The following SEMA3E variants were observed in gnomAD, a reference collection of about 807,000 sequenced individuals.
The protein encoded by SEMA3E is semaphorin-3E.
Under a neutral mutation model 93.6 loss-of-function variants are expected in SEMA3E, and 49 were observed. That is an observed-to-expected ratio of 0.52 (90% confidence interval 0.42 to 0.66). The LOEUF is 0.66. Ranked by LOEUF, SEMA3E falls within the 30% of genes least tolerant of loss-of-function variation. The probability of loss-of-function intolerance (pLI) is 0.00; values close to 1 mark genes in which losing one functional copy is unlikely to be tolerated. For missense variants in SEMA3E, 906 were observed against 964.8 expected, an observed-to-expected ratio of 0.94 and a Z score of 0.81; for synonymous variants, 363 against 330.7, an observed-to-expected ratio of 1.10 and a Z score of -1.06.
intron 4 of SEMA3E, among the ~76,000 whole-genome samples, chr7:83,464,383 A>T (rs1789704720): frequency 6.7e-6 from 1 of 148,796 alleles, no homozygotes; most frequent in African/African-American, 2.5e-5. Flanking sequence ...TGCCCCCAAA[A>T]ACTTGTCATC....
intron 1 of SEMA3E, among the ~76,000 whole-genome samples, chr7:83,579,651 GTTAA>G (rs1792480348): frequency 6.6e-6 from 1 of 152,078 alleles, no homozygotes; most frequent in Admixed American, 6.6e-5. Flanking sequence ...CCAGGTCCCA[GTTAA>G]TTGACATAAT....
intron 1 of SEMA3E, among the ~76,000 whole-genome samples, chr7:83,603,726 A>G (rs1793045298): frequency 6.6e-6 from 1 of 152,174 alleles, no homozygotes; most frequent in African/African-American, 2.4e-5. Flanking sequence ...AGAAGCAAAT[A>G]CATTCTAACC....
chr7:83,552,111 T>G (rs1791779561), intron 1 of SEMA3E, among the ~76,000 whole-genome samples: 1 of 152,142 alleles, frequency 6.6e-6, no homozygotes, highest in African/African-American at 2.4e-5. Context: ...TTTCATAAAC[T>G]TGCACAGATT....
chr7:83,392,710 A>G lies in SEMA3E; in HGVS notation c.1512T>C (p.Tyr504=). The change falls in exon 14 of 17, where the codon TAT becomes TAC. Residue 504 remains tyrosine (Y), a synonymous_variant. Coordinates refer to ENST00000643230, the MANE Select transcript of SEMA3E (RefSeq NM_012431.3). ...GAGCCACAGCAGAAGCAGATCCAATATACAGCTGTTGCTACAGAAATCAGA... is the reference window on the plus strand; with the variant it reads ...GAGCCACAGCAGAAGCAGATCCAATGTACAGCTGTTGCTACAGAAATCAGA... ...MEISSKRQQL[Y]IGSASAVAQV... 5 of 1,613,872 alleles carry G rather than the reference A, an allele frequency of 3.1e-6. No individual in the cohort carries two copies. Among genetic ancestry groups the G allele is most frequent in the Non-Finnish European group, 4.2e-6 (5 of 1,179,830 alleles).
chr7:83,461,557 A>G (rs1584263914), intron 4 of SEMA3E, among the ~76,000 whole-genome samples: 1 of 152,130 alleles, frequency 6.6e-6, no homozygotes, highest in East Asian at 1.9e-4. Flanking sequence ...CTTTATCCCA[A>G]ATCAGATAGC....
intron 1 of SEMA3E, among the ~76,000 whole-genome samples, chr7:83,507,424 CTGTGTGTGTGTG>C (rs4016317): frequency 0.025 from 3,121 of 125,978 alleles, 130 homozygotes; most frequent in African/African-American, 0.084. Flanking sequence ...AAACAGAACT[CTGTGTGTGTGTG>C]TGTGTGTGTG....
At chr7:83,627,724 T>G in intron 1 of SEMA3E, among the ~76,000 whole-genome samples, 1 of 150,302 alleles carries the variant, frequency 6.7e-6, no homozygotes, top group African/African-American at 2.5e-5. Context: ...GTATGTGAGA[T>G]AGGTCTCCTG....
At chr7:83,531,553 A>G (rs1791302038) in intron 1 of SEMA3E, among the ~76,000 whole-genome samples, 1 of 151,776 alleles carries the variant, frequency 6.6e-6, no homozygotes. Flanking sequence ...GGGTTTCACT[A>G]CGTTGGCCAG....
intron 1 of SEMA3E, among the ~76,000 whole-genome samples, chr7:83,534,082 T>G (rs1302937892): frequency 6.6e-6 from 1 of 152,232 alleles, no homozygotes; most frequent in African/African-American, 2.4e-5. Flanking sequence ...GTTTTCAAAC[T>G]TTTTAGACCA....
At chr7:83,558,609 A>G (rs1336926843) in intron 1 of SEMA3E, among the ~76,000 whole-genome samples, 1 of 152,118 alleles carries the variant, frequency 6.6e-6, no homozygotes, top group Non-Finnish European at 1.5e-5. Flanking sequence ...TTCCAGATGC[A>G]TTTTTAAAAT....
intron 16 of SEMA3E, among the ~76,000 whole-genome samples, chr7:83,383,951 A>G (rs1031307417): frequency 2.6e-5 from 4 of 152,048 alleles, no homozygotes; most frequent in Admixed American, 1.3e-4. Context: ...GTGAAGTGGA[A>G]AATACTTTAA....
At chr7:83,593,280 CTCTCTGTGTG>C (rs1429826380) in intron 1 of SEMA3E, among the ~76,000 whole-genome samples, 1,438 of 108,904 alleles carry the variant, frequency 0.013, 20 homozygotes, top group African/African-American at 0.06. Context: ...CTCTCTCTCT[CTCTCTGTGTG>C]TGTGTGTGTG....
At chr7:83,647,693 A>G (rs1175041708) in intron 1 of SEMA3E, among the ~76,000 whole-genome samples, 1 of 152,196 alleles carries the variant, frequency 6.6e-6, no homozygotes, top group Non-Finnish European at 1.5e-5. Context: ...GTAGAATGAA[A>G]TATTTAAACA....
At chr7:83,612,221 C>A (rs1437078697) in intron 1 of SEMA3E, among the ~76,000 whole-genome samples, 2 of 152,050 alleles carry the variant, frequency 1.3e-5, no homozygotes, top group Non-Finnish European at 2.9e-5. Flanking sequence ...TACTACTCAA[C>A]CAATAGAATA....
At position 83,388,327 on chromosome 7, in the gene SEMA3E, A is replaced by AT. The variant is rs1787925997; in HGVS notation, c.1668-1278_1668-1277insA. Among the ~76,000 whole-genome samples the AT allele has an allele frequency of 2.7e-5, 4 of 147,066 alleles. No homozygotes were observed. In the South Asian group the frequency reaches 6.3e-4, roughly 23 times the overall value. On this transcript the variant is annotated intron_variant, in intron 14 of 16. Coordinates refer to ENST00000643230, the MANE Select transcript of SEMA3E (RefSeq NM_012431.3). ...CATCTCAAAAAATAAAAAAATAAAA[A>AT]AAAATATATATATATCTTTAAATAT...
chr7:83,376,300 A>G (rs1372579891), intron 16 of SEMA3E, among the ~76,000 whole-genome samples: 2 of 152,056 alleles, frequency 1.3e-5, no homozygotes, highest in African/African-American at 2.4e-5. Flanking sequence ...TTAGGAAAAT[A>G]TGAGTCATGT....
At chr7:83,616,192 T>G (rs1245771821) in intron 1 of SEMA3E, among the ~76,000 whole-genome samples, 1 of 152,110 alleles carries the variant, frequency 6.6e-6, no homozygotes, top group African/African-American at 2.4e-5. Context: ...AAAGAGAGTA[T>G]ATGTATTACA....
chr7:83,570,023 T>A (rs1792240891), intron 1 of SEMA3E, among the ~76,000 whole-genome samples: 1 of 152,156 alleles, frequency 6.6e-6, no homozygotes, highest in South Asian at 2.1e-4. Flanking sequence ...GCAAGCATAC[T>A]CTTGGACAAC....
intron 15 of SEMA3E, among the ~76,000 whole-genome samples, chr7:83,386,450 A>G (rs1787884730): frequency 6.6e-6 from 1 of 152,124 alleles, no homozygotes; most frequent in Non-Finnish European, 1.5e-5. Flanking sequence ...CCTAAAGATG[A>G]GATTTCCTCC....
Sources: allele counts gnomAD v4.1 joint callset (sites outside exome capture counted in the v4.1 genomes callset), GRCh38; gene constraint gnomAD v4.1.1; transcripts MANE v1.5; gene names NCBI Gene and HGNC (gene_info 2026-07-23, HGNC 2026-07-21).